Variants in FOXI1 observed in about 807,000 individuals in gnomAD.
The protein encoded by FOXI1 is forkhead box I1, also known as forkhead box protein I1.
A neutral mutation model predicts 16.4 loss-of-function variants in FOXI1; 11 were observed. That is an observed-to-expected ratio of 0.67 (90% CI 0.42 to 1.11). The LOEUF (loss-of-function observed/expected upper bound fraction) is 1.11, where lower values mean the gene tolerates loss of function less well. Among genes scored for constraint, FOXI1 ranks in the 50% least tolerant of loss-of-function variants. FOXI1 has a pLI of 0.00. For missense variants in FOXI1, 480 were observed against 506.1 expected (o/e 0.95, Z 0.49); for synonymous variants, 218 against 211.5 (o/e 1.03, Z -0.27).
chr5:170,108,512 C>T lies in FOXI1; in HGVS notation c.1038C>T (p.Leu346=), dbSNP rs757154891. Reference sequence around the variant, plus strand: ...CGAACCCCATGCCCACCAACATGCTCAGCTATGGAGGATCTGTGCTCAGCC... The same window carrying T: ...CGAACCCCATGCCCACCAACATGCTTAGCTATGGAGGATCTGTGCTCAGCC... ...DWANPMPTNM[L]SYGGSVLSQF... is the part of the protein sequence containing the mutation. Residue 346 remains leucine, a synonymous_variant, in exon 2 of 2, where the codon CTC becomes CTT. Transcript: ENST00000306268. 1.2e-5 allele frequency: 19 copies of T among 1,605,588 alleles called. No individual in the cohort carries two copies. The highest frequency in any genetic ancestry group is 4.4e-5 in the South Asian group (4 of 90,078).
rs142841909 is a variant in FOXI1 at position 170,108,145 on chromosome 5, C to T, written c.671C>T (p.Ser224Phe). ...AGGAAGAGAAAATCAGATGTTTCCTCTAGCACAGCCTCCTTGGCCTTAGAG... is the reference window on the plus strand; with the variant it reads ...AGGAAGAGAAAATCAGATGTTTCCTTTAGCACAGCCTCCTTGGCCTTAGAG... Reference protein sequence around the residue: ...RKRKRKSDVSSSTASLALEKT... With the variant: ...RKRKRKSDVSFSTASLALEKT... The change falls in exon 2 of 2, where the codon TCT becomes TTT. Residue 224 changes from serine (S) to phenylalanine (F), a missense_variant. By Grantham distance (155) the Ser-to-Phe change is radical. Transcript: ENST00000306268. 225 of 1,613,998 alleles carry T rather than the reference C, an allele frequency of 1.4e-4. No homozygotes were observed. Among genetic ancestry groups the T allele is most frequent in the Non-Finnish European group, 1.7e-4 (196 of 1,179,958 alleles).
In FOXI1 at chr5:170,108,436, CCTT is replaced by C. The variant is rs886060400; in HGVS notation, c.965_967del (p.Phe322del). The C allele has an allele frequency of 8.7e-6, 14 of 1,605,540 alleles. No homozygotes were observed. The East Asian group carries it at 1.6e-4, about 18-fold the overall frequency. On this transcript the variant is annotated inframe_deletion, in exon 2 of 2. Coordinates refer to ENST00000306268, the MANE Select transcript of FOXI1 (RefSeq NM_012188.5). ...GGGCAGAACTCACTGACCTTCAACT[CCTT>C]CTCCCCGCTCACCAACCTCAGCAAC...
Position 170,106,197 on chromosome 5 carries a change from C to A in FOXI1, c.240C>A (p.Asn80Lys), listed in dbSNP as rs1218715072. The change falls in exon 1 of 2, where the codon AAC (asparagine) becomes AAA (lysine). Residue 80 changes from asparagine (N) to lysine (K), a missense_variant. Physicochemically the swap from Asn to Lys is moderately conservative, Grantham distance 94 (BLOSUM62 0). Coordinates refer to ENST00000306268, the MANE Select transcript of FOXI1 (RefSeq NM_012188.5). Reference sequence around the variant, plus strand: ...CGCCACCCTACCTGCCCGGCCCCAACGCCAGCCCCTTCCTGCCCCAGGCCT... The same window carrying A: ...CGCCACCCTACCTGCCCGGCCCCAAAGCCAGCCCCTTCCTGCCCCAGGCCT... The part of the protein sequence containing the change: ...MTPPPYLPGP[N>K]ASPFLPQAYG... 3 of 1,583,986 alleles carry A rather than the reference C, an allele frequency of 1.9e-6. No individual in the cohort carries two copies. Among genetic ancestry groups the A allele is most frequent in the East Asian group, 4.7e-5 (2 of 42,998 alleles).
chr5:170,106,362 C>A lies in FOXI1; in HGVS notation c.405C>A (p.Ala135=). 1 of 1,612,830 alleles carries A rather than the reference C, an allele frequency of 6.2e-7. No homozygotes were observed. The highest frequency in any genetic ancestry group is 1.1e-5 in the South Asian group (1 of 90,910). Residue 135 remains alanine, a synonymous_variant, in exon 1 of 2, where the codon GCC becomes GCA. Coordinates refer to ENST00000306268, the MANE Select transcript of FOXI1 (RefSeq NM_012188.5). ...CCTACTCGGCTCTCATCGCCATGGC[C>A]ATCCACGGGGCACCCGACAAGCGCC... The part of the protein sequence containing the change: ...PYSYSALIAM[A]IHGAPDKRLT...
chr5:170,108,510 C>T lies in FOXI1; in HGVS notation c.1036C>T (p.Leu346Phe), dbSNP rs1349715486. 6 of 1,605,110 alleles carry T rather than the reference C, an allele frequency of 3.7e-6. No homozygotes were observed. Among genetic ancestry groups the T allele is most frequent in the South Asian group, 1.1e-5 (1 of 90,040 alleles). ...GGCGAACCCCATGCCCACCAACATGCTCAGCTATGGAGGATCTGTGCTCAG... is the reference window on the plus strand; with the variant it reads ...GGCGAACCCCATGCCCACCAACATGTTCAGCTATGGAGGATCTGTGCTCAG... ...DWANPMPTNM[L>F]SYGGSVLSQF... The change falls in exon 2 of 2, where the codon CTC becomes TTC. Residue 346 changes from leucine (L) to phenylalanine (F), a missense_variant. By Grantham distance (22) the Leu-to-Phe change is conservative. Coordinates refer to ENST00000306268, the MANE Select transcript of FOXI1 (RefSeq NM_012188.5).
rs560008974 is a variant in FOXI1, at chr5:170,108,888, T to C, written c.*277T>C. ...TACTAGGCTCTGTACTGGCCACACT[T>C]ACTATTGACAGTCACCCCGTAAGGT... On this transcript the variant is annotated 3_prime_UTR_variant, in exon 2 of 2. Transcript: ENST00000306268. The C allele has an allele frequency of 3.4e-4, 155 of 462,616 alleles. No homozygotes were observed. The highest frequency in any genetic ancestry group is 5.0e-4 in the Non-Finnish European group (127 of 255,544). The allele number at this position is 462,616 out of a possible 1,614,324, so 28.7% of individuals were successfully genotyped here. A position where few individuals can be genotyped will look rare whatever the true frequency, so the allele number is the denominator to read the frequency against.
rs2113897764 is a variant in FOXI1 at position 170,109,035 on chromosome 5, TC to T, written c.*425del. ...AGTCAAATCCAGGTCTATGTGATCC[TC>T]AGAGATTGGAGGCCGGGATGGAGAA... On this transcript the variant is annotated 3_prime_UTR_variant, in exon 2 of 2. Coordinates refer to ENST00000306268, the MANE Select transcript of FOXI1 (RefSeq NM_012188.5). The T allele has an allele frequency of 6.0e-6, 1 of 165,554 alleles. No individual in the cohort carries two copies. Among genetic ancestry groups the T allele is most frequent in the Admixed American group, 6.1e-5 (1 of 16,476 alleles). 10.3% of individuals were successfully genotyped at this position (165,554 alleles called of 1,614,324 possible).
rs769230925 is a variant in FOXI1 at position 170,106,497 on chromosome 5, C to T, written c.540C>T (p.Cys180=). ...GCCACAACCTGTCGCTCAACGACTG[C>T]TTCAAGAAGGTGCCCCGCGACGAGG... ...SIRHNLSLND[C]FKKVPRDEDD... Residue 180 remains cysteine, a synonymous_variant, in exon 1 of 2, where the codon TGC becomes TGT. Coordinates refer to ENST00000306268, the MANE Select transcript of FOXI1 (RefSeq NM_012188.5). 4 of 1,614,276 alleles carry T rather than the reference C, an allele frequency of 2.5e-6. No homozygotes were observed. Among genetic ancestry groups the T allele is most frequent in the Admixed American group, 1.7e-5 (1 of 60,034 alleles).
At chr5:170,107,606 C>T (rs973974547) in intron 1 of FOXI1, among the ~76,000 whole-genome samples, 12 of 152,246 alleles carry the variant, frequency 7.9e-5, no homozygotes, top group Admixed American at 2.0e-4. Context: ...ACAGGTTCTT[C>T]CAAAGCCCCT....
Position 170,108,908 on chromosome 5 carries a change from T to A in FOXI1, c.*297T>A, listed in dbSNP as rs1758585190. ...ACACTTACTATTGACAGTCACCCCG[T>A]AAGGTTCACAAACCACCCCATTGAA... On this transcript the variant is annotated 3_prime_UTR_variant, in exon 2 of 2. Coordinates refer to ENST00000306268, the MANE Select transcript of FOXI1 (RefSeq NM_012188.5). The A allele has an allele frequency of 2.5e-6, 1 of 406,736 alleles. No individual in the cohort carries two copies. The highest frequency in any genetic ancestry group is 4.5e-6 in the Non-Finnish European group (1 of 222,156). 25.2% of individuals were successfully genotyped at this position (406,736 alleles called of 1,614,324 possible). A position where few individuals can be genotyped will look rare whatever the true frequency, so the allele number is the denominator to read the frequency against.
Position 170,108,066 on chromosome 5 carries a change from AC to A in FOXI1, c.595del (p.Leu199TrpfsTer33). ...TGTATCAGGCAAAGGGAATTACTGG[AC>A]CCTGGACCCCAACTGTGAGAAAATG... ...EDDPGKGNYW[T>X]LDPNCEKMFD... On this transcript the variant is annotated frameshift_variant, in exon 2 of 2. Coordinates refer to ENST00000306268, the MANE Select transcript of FOXI1 (RefSeq NM_012188.5). LOFTEE classifies it low-confidence loss of function (END_TRUNC). 6.2e-7 allele frequency: 1 copy of A among 1,613,884 alleles called. No individual in the cohort carries two copies.
chr5:170,106,444 A>G lies in FOXI1; in HGVS notation c.487A>G (p.Ser163Gly). 6.2e-7 allele frequency: 1 copy of G among 1,614,256 alleles called. No homozygotes were observed. Among genetic ancestry groups the G allele is most frequent in the Non-Finnish European group, 8.5e-7 (1 of 1,180,044 alleles). ...CGACAACTTCCCCTTCTACAACAAG[A>G]GCAAGGCCGGCTGGCAGAACTCCAT... Reference protein sequence around the residue: ...VADNFPFYNKSKAGWQNSIRH... With the variant: ...VADNFPFYNKGKAGWQNSIRH... The change falls in exon 1 of 2, where the codon AGC becomes GGC. Residue 163 changes from serine to glycine, a missense_variant. Physicochemically the swap from Ser to Gly is moderately conservative, Grantham distance 56. This residue lies in a region of FOXI1 where 219 missense variants were observed against 222.9 expected (regional missense o/e 0.98). Coordinates refer to ENST00000306268, the MANE Select transcript of FOXI1 (RefSeq NM_012188.5).
chr5:170,106,437 C>T lies in FOXI1; in HGVS notation c.480C>T (p.Tyr160=). ...ACGTGGCCGACAACTTCCCCTTCTA[C>T]AACAAGAGCAAGGCCGGCTGGCAGA... The part of the protein sequence containing the change: ...YQYVADNFPF[Y]NKSKAGWQNS... Residue 160 remains tyrosine, a synonymous_variant, in exon 1 of 2, where the codon TAC becomes TAT. Coordinates refer to ENST00000306268, the MANE Select transcript of FOXI1 (RefSeq NM_012188.5). 6.2e-7 allele frequency: 1 copy of T among 1,614,274 alleles called. No homozygotes were observed. The highest frequency in any genetic ancestry group is 1.7e-5 in the Admixed American group (1 of 60,036).
In FOXI1 at chr5:170,106,494, C is replaced by G. The variant is rs769041762; in HGVS notation, c.537C>G (p.Asp179Glu). 6.2e-7 allele frequency: 1 copy of G among 1,614,286 alleles called. No individual in the cohort carries two copies. The highest frequency in any genetic ancestry group is 1.1e-5 in the South Asian group (1 of 91,092). ...NSIRHNLSLN[D>E]CFKKVPRDED... ...TCCGCCACAACCTGTCGCTCAACGACTGCTTCAAGAAGGTGCCCCGCGACG... is the reference window on the plus strand; with the variant it reads ...TCCGCCACAACCTGTCGCTCAACGAGTGCTTCAAGAAGGTGCCCCGCGACG... Residue 179 changes from aspartate to glutamate, a missense_variant, in exon 1 of 2, where the codon GAC becomes GAG. By Grantham distance (45) the Asp-to-Glu change is conservative. Around this residue, in one of 3 missense-constraint regions of FOXI1, gnomAD observed 257 missense variants for 262.2 expected, o/e 0.98. Transcript: ENST00000306268.
intron 1 of FOXI1, 66 bp downstream of exon 1, chr5:170,106,597 C>T: frequency 1.3e-6 from 2 of 1,596,324 alleles, no homozygotes; most frequent in Non-Finnish European, 1.7e-6. Flanking sequence ...CCCAAGACCC[C>T]ATTCTAGAAA....
rs750217079 is a variant in FOXI1, at chr5:170,106,272, C to G, written c.315C>G (p.Ser105Arg). 1.3e-6 allele frequency: 2 copies of G among 1,579,870 alleles called. No homozygotes were observed. Among genetic ancestry groups the G allele is most frequent in the Non-Finnish European group, 1.7e-6 (2 of 1,163,032 alleles). Residue 105 changes from serine (S) to arginine (R), a missense_variant, in exon 1 of 2, where the codon AGC becomes AGG. Physicochemically the swap from Ser to Arg is moderately radical, Grantham distance 110. Around this residue, in one of 3 missense-constraint regions of FOXI1, gnomAD observed 219 missense variants for 222.9 expected, o/e 0.98. Transcript: ENST00000306268. ...LLPSVSGLGGSDLGWLPIPSQ... is the reference protein window; with the variant it reads ...LLPSVSGLGGRDLGWLPIPSQ... ...CCAGCGTGTCGGGGCTTGGGGGGAG[C>G]GACCTGGGCTGGCTGCCCATCCCCT...
chr5:170,107,318 G>A (rs1758520801), intron 1 of FOXI1, among the ~76,000 whole-genome samples: 2 of 152,168 alleles, frequency 1.3e-5, no homozygotes, highest in Non-Finnish European at 2.9e-5. Flanking sequence ...GTCCACTTTT[G>A]TTCCACCGCA....
Position 170,106,004 on chromosome 5 carries a change from C to T in FOXI1, c.47C>T (p.Pro16Leu), listed in dbSNP as rs1467607385. The T allele has an allele frequency of 1.2e-6, 2 of 1,612,088 alleles. No homozygotes were observed. The highest frequency in any genetic ancestry group is 1.3e-5 in the African/African-American group (1 of 74,876). Residue 16 changes from proline to leucine, a missense_variant, in exon 1 of 2, where the codon CCC (proline) becomes CTC (leucine). By Grantham distance (98) the Pro-to-Leu change is moderately conservative (BLOSUM62 -3). Around this residue, in one of 3 missense-constraint regions of FOXI1, gnomAD observed 219 missense variants for 222.9 expected, o/e 0.98. Coordinates refer to ENST00000306268, the MANE Select transcript of FOXI1 (RefSeq NM_012188.5). ...LPAPSPPRCS[P>L]QFPSIGQEPP... is the part of the protein sequence containing the mutation. ...GCGCCCTCCCCACCTCGCTGCAGCCCCCAGTTCCCCAGCATCGGCCAGGAG... is the reference window on the plus strand; with the variant it reads ...GCGCCCTCCCCACCTCGCTGCAGCCTCCAGTTCCCCAGCATCGGCCAGGAG...
chr5:170,108,478 G>T lies in FOXI1; in HGVS notation c.1004G>T (p.Gly335Val), dbSNP rs764345848. The change falls in exon 2 of 2, where the codon GGT (glycine) becomes GTT (valine). Residue 335 changes from glycine (G) to valine (V), a missense_variant. Coordinates refer to ENST00000306268, the MANE Select transcript of FOXI1 (RefSeq NM_012188.5). Reference sequence around the variant, plus strand: ...AACCTCAGCAACCACAGCGGTGGGGGTGACTGGGCGAACCCCATGCCCACC... The same window carrying T: ...AACCTCAGCAACCACAGCGGTGGGGTTGACTGGGCGAACCCCATGCCCACC... ...LTNLSNHSGG[G>V]DWANPMPTNM... The T allele has an allele frequency of 3.1e-5, 49 of 1,600,996 alleles. No homozygotes were observed. The highest frequency in any genetic ancestry group is 4.0e-5 in the Non-Finnish European group (47 of 1,171,704).
Sources: allele counts gnomAD v4.1 joint callset (sites outside exome capture counted in the v4.1 genomes callset), GRCh38; gene constraint gnomAD v4.1.1; regional missense constraint gnomAD v4.1.1; transcripts MANE v1.5; gene names NCBI Gene and HGNC (gene_info 2026-07-23, HGNC 2026-07-21).